The following FBXL20 variants were observed in gnomAD, a reference collection of about 807,000 sequenced individuals.
FBXL20 encodes the protein F-box and leucine rich repeat protein 20.
Under a neutral mutation model 64.0 loss-of-function variants are expected in FBXL20, and 11 were observed. The ratio of observed to expected loss-of-function variants is 0.17; its 90% CI spans 0.11 to 0.28. The LOEUF is 0.28. Ranked by LOEUF, FBXL20 falls within the 10% of genes least tolerant of loss-of-function variation. FBXL20 has a pLI of 1.00. For synonymous variants in FBXL20, 184 were observed against 189.0 expected (o/e 0.97, Z 0.22); for missense variants, 303 against 526.2 (o/e 0.58, Z 4.15).
intron 2 of FBXL20, among the ~76,000 whole-genome samples, chr17:39,321,183 G>A (rs893219584): frequency 6.6e-6 from 1 of 152,152 alleles, no homozygotes; most frequent in Non-Finnish European, 1.5e-5. Context: ...GCCAGGAACG[G>A]TGGCTCACGC....
At position 39,305,029 on chromosome 17, in the gene FBXL20, A is replaced by AT. The variant is rs200007062; in HGVS notation, c.105-1391dup. Among the ~76,000 whole-genome samples the AT allele has an allele frequency of 8.7e-3, 1,321 of 152,308 alleles. 20 individuals carry two copies. Among genetic ancestry groups the AT allele is most frequent in the African/African-American group, 0.03 (1,253 of 41,562 alleles). On this transcript the variant is annotated intron_variant, in intron 2 of 14. Coordinates refer to ENST00000264658, the MANE Select transcript of FBXL20 (RefSeq NM_032875.3). ...TGTCTCAGCCTCCCAAAGTGCTGGG[A>AT]TTACAGGCGTGAGCCACCACACCCA...
At chr17:39,364,212 G>A (rs8069194) in intron 1 of FBXL20, among the ~76,000 whole-genome samples, 7,900 of 152,118 alleles carry the variant, frequency 0.052, 668 homozygotes, top group African/African-American at 0.18. Context: ...ATATCTTTGT[G>A]GCAATGCCCC....
At chr17:39,367,410 A>G (rs1182422426) in intron 1 of FBXL20, among the ~76,000 whole-genome samples, 1 of 146,614 alleles carries the variant, frequency 6.8e-6, no homozygotes, top group Admixed American at 6.9e-5. Context: ...TCCAACTCCC[A>G]GATTCAAGTG....
At chr17:39,298,049 C>T (rs896542938) in intron 5 of FBXL20, among the ~76,000 whole-genome samples, 7 of 151,728 alleles carry the variant, frequency 4.6e-5, no homozygotes, top group Non-Finnish European at 1.0e-4. Context: ...AATGAATTTT[C>T]CATTATAAAT....
intron 14 of FBXL20, among the ~76,000 whole-genome samples, chr17:39,261,974 G>T (rs1335811371): frequency 6.6e-6 from 1 of 151,872 alleles, no homozygotes; most frequent in East Asian, 2.0e-4. Flanking sequence ...TCACCATGTT[G>T]GCCAGACTGG....
chr17:39,333,046 G>A (rs373986237), intron 2 of FBXL20, among the ~76,000 whole-genome samples: 1 of 151,770 alleles, frequency 6.6e-6, no homozygotes, highest in African/African-American at 2.4e-5. Context: ...GAAGCAATCC[G>A]CCTGCCTCAG....
At chr17:39,325,041 CTACAAAAAA>C (rs2047397441) in intron 2 of FBXL20, among the ~76,000 whole-genome samples, 1 of 152,096 alleles carries the variant, frequency 6.6e-6, no homozygotes, top group Admixed American at 6.6e-5. Flanking sequence ...AACTCTGTCA[CTACAAAAAA>C]TACAAAAATT....
intron 1 of FBXL20, among the ~76,000 whole-genome samples, chr17:39,390,556 C>G (rs1420553132): frequency 6.7e-6 from 1 of 149,780 alleles, no homozygotes; most frequent in Non-Finnish European, 1.5e-5. Context: ...GCGCAAGACT[C>G]CATCTTAAAA....
intron 2 of FBXL20, among the ~76,000 whole-genome samples, chr17:39,317,969 G>A (rs564964768): frequency 3.3e-5 from 5 of 152,012 alleles, no homozygotes; most frequent in African/African-American, 1.2e-4. Flanking sequence ...CAAAGTGCTG[G>A]GATTACAGGC....
At chr17:39,391,131 TTGCAGTTCGG>T (rs2048129571) in intron 1 of FBXL20, among the ~76,000 whole-genome samples, 1 of 151,960 alleles carries the variant, frequency 6.6e-6, no homozygotes, top group Non-Finnish European at 1.5e-5. Flanking sequence ...TAAAATTTAT[TTGCAGTTCGG>T]TGCAGTGGCT....
chr17:39,385,707 A>G (rs2048071267), intron 1 of FBXL20, among the ~76,000 whole-genome samples: 1 of 152,208 alleles, frequency 6.6e-6, no homozygotes, highest in African/African-American at 2.4e-5. Flanking sequence ...GAAAACTACA[A>G]GAAAGTTAAC....
intron 2 of FBXL20, among the ~76,000 whole-genome samples, chr17:39,335,234 C>T (rs147347123): frequency 1.3e-5 from 2 of 151,474 alleles, no homozygotes; most frequent in Non-Finnish European, 1.5e-5. Flanking sequence ...TTCTGTAATA[C>T]GCTTCCCCCT....
chr17:39,292,942 GC>G (rs1567866870), intron 6 of FBXL20, among the ~76,000 whole-genome samples: 1 of 151,802 alleles, frequency 6.6e-6, no homozygotes, highest in East Asian at 1.9e-4. Flanking sequence ...ACAGGCACCC[GC>G]CATCATGCCC....
chr17:39,254,042 A>G lies in FBXL20; in HGVS notation c.*7418T>C, dbSNP rs553915223. 1 of 152,330 alleles carries G rather than the reference A, an allele frequency of 6.6e-6. No homozygotes were observed. The highest frequency in any genetic ancestry group is 2.1e-4 in the South Asian group (1 of 4,828). The allele number at this position is 152,330 out of a possible 1,614,324, so 9.4% of individuals were successfully genotyped here. On this transcript the variant is annotated 3_prime_UTR_variant, in exon 15 of 15. Coordinates refer to ENST00000264658, the MANE Select transcript of FBXL20 (RefSeq NM_032875.3). ...AGGTACAGATCTGAATTAATGAGAT[A>G]ATGGCAAGAGAAACTTAGTGAAGCA...
chr17:39,315,353 C>T (rs2047275732), intron 2 of FBXL20, among the ~76,000 whole-genome samples: 1 of 148,404 alleles, frequency 6.7e-6, no homozygotes, highest in Non-Finnish European at 1.5e-5. Flanking sequence ...CACAAACTAC[C>T]TCAGGAGGGA....
At chr17:39,292,695 C>A (rs2047050519) in intron 6 of FBXL20, among the ~76,000 whole-genome samples, 1 of 152,094 alleles carries the variant, frequency 6.6e-6, no homozygotes, top group Non-Finnish European at 1.5e-5. Context: ...TCTCGGCTCA[C>A]TGCAACCTCT....
At chr17:39,267,392 C>T (rs560595099) in intron 12 of FBXL20, among the ~76,000 whole-genome samples, 97 of 152,288 alleles carry the variant, frequency 6.4e-4, no homozygotes, top group Admixed American at 1.8e-3. Context: ...GGACTTTGTT[C>T]TATCTCCTTA....
At chr17:39,300,968 T>C in intron 4 of FBXL20, 33 bp downstream of exon 4, 1 of 1,599,566 alleles carries the variant, frequency 6.3e-7, no homozygotes, top group Non-Finnish European at 8.6e-7. Flanking sequence ...ATTACTAACA[T>C]GAAAACTGGG....
intron 2 of FBXL20, among the ~76,000 whole-genome samples, chr17:39,326,696 T>C (rs762494145): frequency 1.3e-5 from 2 of 151,558 alleles, no homozygotes; most frequent in Non-Finnish European, 2.9e-5. Flanking sequence ...TATACCTCAC[T>C]GCAGCCTCAA....
Sources: allele counts gnomAD v4.1 joint callset (sites outside exome capture counted in the v4.1 genomes callset), GRCh38; gene constraint gnomAD v4.1.1; transcripts MANE v1.5; gene names NCBI Gene and HGNC (gene_info 2026-07-23, HGNC 2026-07-21).